Variants in CDH8 observed in about 807,000 individuals in gnomAD.
CDH8 encodes cadherin 8.
Under a neutral mutation model 68.1 loss-of-function variants are expected in CDH8, and 17 were observed. The ratio of observed to expected loss-of-function variants is 0.25; its 90% CI spans 0.17 to 0.37. CDH8 has a LOEUF of 0.37. Ranked by LOEUF, CDH8 falls within the 10% of genes least tolerant of loss-of-function variation. The probability of loss-of-function intolerance (pLI) is 1.00; values close to 1 mark genes in which losing one functional copy is unlikely to be tolerated. For missense variants in CDH8, 763 were observed against 999.3 expected, an observed-to-expected ratio of 0.76 and a Z score of 3.19; for synonymous variants, 372 against 365.1, an observed-to-expected ratio of 1.02 and a Z score of -0.21.
chr16:61,734,650 CTCTCTCTG>C (rs1223715537), intron 8 of CDH8, among the ~76,000 whole-genome samples: 1 of 152,082 alleles, frequency 6.6e-6, no homozygotes, highest in Non-Finnish European at 1.5e-5. Flanking sequence ...CCTTCTCTCT[CTCTCTCTG>C]TCTCTCATTT....
chr16:61,768,397 T>TG (rs1567461356), intron 8 of CDH8, among the ~76,000 whole-genome samples: 6 of 43,806 alleles, frequency 1.4e-4, no homozygotes, highest in East Asian at 7.9e-4. Flanking sequence ...TCTCTCTCCC[T>TG]TTCTCTCTCT....
At chr16:61,706,029 T>A (rs1016279743) in intron 10 of CDH8, among the ~76,000 whole-genome samples, 1 of 152,168 alleles carries the variant, frequency 6.6e-6, no homozygotes, top group Non-Finnish European at 1.5e-5. Flanking sequence ...CAAATAAATA[T>A]GTATTGAATG....
At chr16:61,655,443 C>A (rs1963422007) in intron 11 of CDH8, 27 bp downstream of exon 11, 2 of 1,612,614 alleles carry the variant, frequency 1.2e-6, no homozygotes, top group Non-Finnish European at 8.5e-7. Flanking sequence ...AAAAGGGTGA[C>A]CGGTAGGCTA....
intron 10 of CDH8, among the ~76,000 whole-genome samples, chr16:61,656,254 C>T (rs1963446351): frequency 6.6e-6 from 1 of 152,184 alleles, no homozygotes; most frequent in Non-Finnish European, 1.5e-5. Flanking sequence ...CGGAGTTTTA[C>T]CGTCATCACC....
chr16:61,730,192 T>C (rs922844026), intron 8 of CDH8, among the ~76,000 whole-genome samples: 3 of 151,580 alleles, frequency 2.0e-5, no homozygotes, highest in Non-Finnish European at 4.4e-5. Flanking sequence ...AACTCAGGCA[T>C]AAAGAATGAA....
chr16:61,851,587 A>C (rs1484774471), intron 4 of CDH8, among the ~76,000 whole-genome samples: 5 of 152,012 alleles, frequency 3.3e-5, no homozygotes, highest in Non-Finnish European at 7.4e-5. Flanking sequence ...AATAAATGCC[A>C]CATTTCTCCT....
At position 61,655,444 on chromosome 16, in the gene CDH8, C is replaced by T. The variant is rs181502944; in HGVS notation, c.1906+26G>A. 2.7e-5 allele frequency: 44 copies of T among 1,612,586 alleles called. No individual in the cohort carries two copies. In the East Asian group the frequency reaches 7.1e-4, roughly 26 times the overall value. ...ATTTATGAATCAGAAAAAGGGTGAC[C>T]GGTAGGCTATGAAGGAAATACGTAC... is the stretch of plus-strand genomic sequence containing the variant. On this transcript the variant is annotated intron_variant, in intron 11 of 11. Transcript: ENST00000577390.
intron 2 of CDH8, among the ~76,000 whole-genome samples, chr16:61,964,070 C>A (rs541349647): frequency 6.6e-6 from 1 of 152,234 alleles, no homozygotes; most frequent in Admixed American, 6.5e-5. Context: ...AAACAACTTA[C>A]AATAAAACCA....
At chr16:61,747,975 C>T (rs112219168) in intron 8 of CDH8, among the ~76,000 whole-genome samples, 15 of 152,140 alleles carry the variant, frequency 9.9e-5, no homozygotes, top group African/African-American at 3.6e-4. Flanking sequence ...CCTCTTAGAA[C>T]ATCAACCAGT....
chr16:61,770,885 T>G (rs1302934655), intron 8 of CDH8, among the ~76,000 whole-genome samples: 1 of 151,960 alleles, frequency 6.6e-6, no homozygotes, highest in Admixed American at 6.6e-5. Flanking sequence ...GGGCAAAAAA[T>G]GTGTTCAACT....
chr16:61,873,094 G>A (rs761162156), intron 3 of CDH8, among the ~76,000 whole-genome samples: 23 of 152,260 alleles, frequency 1.5e-4, no homozygotes, highest in Non-Finnish European at 3.1e-4. Flanking sequence ...ATGTTTCTAT[G>A]ATTCTTTTCT....
chr16:61,961,301 T>G (rs1365379230), intron 2 of CDH8, among the ~76,000 whole-genome samples: 2 of 151,354 alleles, frequency 1.3e-5, no homozygotes, highest in African/African-American at 2.4e-5. Flanking sequence ...GGCAACAGAG[T>G]GAGACATAGT....
At chr16:61,970,518 T>C (rs1965320475) in intron 2 of CDH8, among the ~76,000 whole-genome samples, 1 of 152,164 alleles carries the variant, frequency 6.6e-6, no homozygotes, top group African/African-American at 2.4e-5. Context: ...CAATTATACA[T>C]AAATAAAGCT....
intron 10 of CDH8, among the ~76,000 whole-genome samples, chr16:61,702,503 A>ACTGAACATATTTCCATTTTCTTCCT (rs1964452479): frequency 6.6e-6 from 1 of 152,238 alleles, no homozygotes; most frequent in African/African-American, 2.4e-5. Context: ...ATAATGATTG[A>ACTGAACATATTTCCATTTTCTTCCT]TATATAGTTG....
chr16:61,722,081 G>A (rs1464941376), intron 9 of CDH8, among the ~76,000 whole-genome samples: 2 of 150,702 alleles, frequency 1.3e-5, no homozygotes, highest in Non-Finnish European at 3.0e-5. Flanking sequence ...GTGTGTGCAT[G>A]TGTGTATTTT....
In CDH8 at chr16:61,655,592, C is replaced by G. The variant is rs781605014; in HGVS notation, c.1784G>C (p.Arg595Thr). Residue 595 changes from arginine (R) to threonine (T), a missense_variant, in exon 11 of 12, where the codon AGG becomes ACG. This residue lies in a region of CDH8 where 397 missense variants were observed against 436.2 expected (regional missense o/e 0.91). Transcript: ENST00000577390. ...ACCGTCATTGCTGCAGCCACAGACCCTGATTGTCAAGGTGCTAGTGCTGCT... is the reference window on the plus strand; with the variant it reads ...ACCGTCATTGCTGCAGCCACAGACCGTGATTGTCAAGGTGCTAGTGCTGCT... ...PLSSTSTLTI[R>T]VCGCSNDGVV... is the part of the protein sequence containing the mutation. 6.2e-7 allele frequency: 1 copy of G among 1,614,190 alleles called. No homozygotes were observed. The highest frequency in any genetic ancestry group is 8.5e-7 in the Non-Finnish European group (1 of 1,180,034).
chr16:61,888,596 TAAG>T (rs142927080), intron 3 of CDH8, among the ~76,000 whole-genome samples: 3,779 of 152,208 alleles, frequency 0.025, 157 homozygotes, highest in African/African-American at 0.086. Context: ...ATTTGTAAAA[TAAG>T]AATAATAAAA....
intron 3 of CDH8, 59 bp downstream of exon 3, chr16:61,901,120 G>T: frequency 2.1e-6 from 3 of 1,409,262 alleles, no homozygotes; most frequent in Non-Finnish European, 3.0e-6. Context: ...CATCCTTGAT[G>T]CCAGGAGCTA....
At chr16:61,928,828 G>C (rs537704376) in intron 2 of CDH8, among the ~76,000 whole-genome samples, 1 of 152,198 alleles carries the variant, frequency 6.6e-6, no homozygotes, top group African/African-American at 2.4e-5. Flanking sequence ...TTGTAGAAAA[G>C]GGACATCTAC....
Sources: allele counts gnomAD v4.1 joint callset (sites outside exome capture counted in the v4.1 genomes callset), GRCh38; gene constraint gnomAD v4.1.1; regional missense constraint gnomAD v4.1.1; transcripts MANE v1.5; gene names NCBI Gene and HGNC (gene_info 2026-07-23, HGNC 2026-07-21).